DHX57: variants seen among roughly 807,000 people sequenced by gnomAD.
DHX57 encodes the protein putative ATP-dependent RNA helicase DHX57.
Under a neutral mutation model 156.2 loss-of-function variants are expected in DHX57, and 105 were observed. The ratio of observed to expected loss-of-function variants is 0.67; its 90% CI spans 0.57 to 0.79. The LOEUF is 0.79. DHX57 is among the 30% of genes least tolerant of loss of function. The probability of loss-of-function intolerance (pLI) is 0.00; values close to 1 mark genes in which losing one functional copy is unlikely to be tolerated. For synonymous variants in DHX57, 704 were observed against 595.6 expected (o/e 1.18, Z -2.65); for missense variants, 1,847 against 1,661.9 (o/e 1.11, Z -1.94).
chr2:38,802,185 A>T (rs759468294), intron 23 of DHX57, among the ~76,000 whole-genome samples: 4 of 151,928 alleles, frequency 2.6e-5, no homozygotes, highest in Non-Finnish European at 5.9e-5. Flanking sequence ...CCCGTACCAG[A>T]CTTCCCCTCA....
At position 38,848,344 on chromosome 2, in the gene DHX57, T is replaced by C. The variant is rs747966382; in HGVS notation, c.2089A>G (p.Ile697Val). 1 of 1,612,708 alleles carries C rather than the reference T, an allele frequency of 6.2e-7. No individual in the cohort carries two copies. Among genetic ancestry groups the C allele is most frequent in the Non-Finnish European group, 8.5e-7 (1 of 1,179,450 alleles). The change falls in exon 10 of 24, where the codon ATT becomes GTT. Residue 697 changes from isoleucine (I) to valine (V), a missense_variant. Transcript: ENST00000457308. Reference sequence around the variant, plus strand: ...GCGTTTAGAGTTGCACTCATTAAAATAACTTGAAGACCTGGCCTCTGCGAT... The same window carrying C: ...GCGTTTAGAGTTGCACTCATTAAAACAACTTGAAGACCTGGCCTCTGCGAT... ...IVSQRPGLQVILMSATLNAEL... is the reference protein window; with the variant it reads ...IVSQRPGLQVVLMSATLNAEL...
rs1291961574 is a variant in DHX57, at chr2:38,862,450, T to C, written c.384-117A>G. ...ATCCTGACTACTCTTCAGTTGCTGA[T>C]TTAATCTTATATTGAACTATTAATT... On this transcript the variant is annotated intron_variant, in intron 3 of 23. Transcript: ENST00000457308. 9 of 985,702 alleles carry C rather than the reference T, an allele frequency of 9.1e-6. No individual in the cohort carries two copies. In the Middle Eastern group the frequency reaches 1.7e-3, roughly 188 times the overall value. The allele number at this position is 985,702 out of a possible 1,614,324, so 61.1% of individuals were successfully genotyped here. A position where few individuals can be genotyped will look rare whatever the true frequency, so the allele number is the denominator to read the frequency against.
At chr2:38,811,492 C>G in intron 21 of DHX57, 2 of 777,786 alleles carry the variant, frequency 2.6e-6, no homozygotes, top group Admixed American at 1.8e-5. Flanking sequence ...TTTTTGGACC[C>G]AAGGTTCAGT....
intron 2 of DHX57, among the ~76,000 whole-genome samples, chr2:38,866,295 C>T (rs926845417): frequency 2.0e-5 from 3 of 152,168 alleles, no homozygotes; most frequent in Admixed American, 2.0e-4. Flanking sequence ...TGCCTTCTTG[C>T]CCACTCATTC....
intron 20 of DHX57, among the ~76,000 whole-genome samples, chr2:38,814,694 C>T (rs1670434798): frequency 6.6e-6 from 1 of 151,410 alleles, no homozygotes; most frequent in South Asian, 2.1e-4. Context: ...AATTTAAAAA[C>T]CAAAAACAAC....
intron 21 of DHX57, among the ~76,000 whole-genome samples, chr2:38,807,870 T>C (rs963360643): frequency 6.7e-6 from 1 of 149,622 alleles, no homozygotes; most frequent in East Asian, 2.0e-4. Flanking sequence ...GGTCTCGAAC[T>C]CCTGACCTCA....
At chr2:38,808,298 T>C (rs571593496) in intron 21 of DHX57, among the ~76,000 whole-genome samples, 12 of 152,186 alleles carry the variant, frequency 7.9e-5, no homozygotes, top group African/African-American at 2.4e-4. Context: ...TATTTATATA[T>C]AGAAAAAGAG....
chr2:38,824,226 A>G (rs998623801), intron 16 of DHX57, among the ~76,000 whole-genome samples: 2 of 152,220 alleles, frequency 1.3e-5, no homozygotes, highest in African/African-American at 4.8e-5. Context: ...TGAAACCTTG[A>G]GGACATTATG....
intron 1 of DHX57, among the ~76,000 whole-genome samples, chr2:38,870,263 GGAAAGGAAA>G (rs1665291530): frequency 6.6e-6 from 1 of 151,678 alleles, no homozygotes; most frequent in Non-Finnish European, 1.5e-5. Context: ...AATACCAGAA[GGAAAGGAAA>G]GAAAGAAAAG....
At position 38,798,930 on chromosome 2, in the gene DHX57, G is replaced by C. The variant is rs149988455; in HGVS notation, c.4018-488C>G. 1.6e-3 allele frequency among the ~76,000 whole-genome samples: 249 copies of C among 151,490 alleles called. 7 individuals are homozygous for C. The East Asian group carries it at 0.041, about 25-fold the overall frequency. On this transcript the variant is annotated intron_variant, in intron 23 of 23. Transcript: ENST00000457308. ...TGCACTCCAGCCTGGGTGACATAGCGAGACTCTGTCCCCCCTGCTCCCCAA... is the reference window on the plus strand; with the variant it reads ...TGCACTCCAGCCTGGGTGACATAGCCAGACTCTGTCCCCCCTGCTCCCCAA...
At position 38,798,001 on chromosome 2, in the gene DHX57, C is replaced by G. The variant is rs1669470179; in HGVS notation, c.*298G>C. 1.1e-5 allele frequency: 3 copies of G among 269,622 alleles called. No homozygotes were observed. The highest frequency in any genetic ancestry group is 2.2e-5 in the African/African-American group (1 of 45,492). The allele number at this position is 269,622 out of a possible 1,614,324, so 16.7% of individuals were successfully genotyped here. A position where few individuals can be genotyped will look rare whatever the true frequency, so the allele number is the denominator to read the frequency against. On this transcript the variant is annotated 3_prime_UTR_variant, in exon 24 of 24. Transcript: ENST00000457308. ...TTAAAACAGAATTGTATTATACATT[C>G]ACTTTTGAGTTATCAGGTGAACTTA...
At chr2:38,840,574 A>AAAAC (rs35362737) in intron 12 of DHX57, among the ~76,000 whole-genome samples, 88,504 of 150,236 alleles carry the variant, frequency 0.59, 27,314 homozygotes, top group East Asian at 0.88. Flanking sequence ...TGTTTTTTTT[A>AAAAC]AAACAAACAA....
At chr2:38,813,608 G>A (rs959536810) in intron 21 of DHX57, among the ~76,000 whole-genome samples, 7 of 151,986 alleles carry the variant, frequency 4.6e-5, no homozygotes, top group African/African-American at 1.4e-4. Context: ...TCCTGACCTC[G>A]TGATCCGCCC....
chr2:38,859,434 G>C (rs558355472), intron 5 of DHX57, among the ~76,000 whole-genome samples: 17 of 152,266 alleles, frequency 1.1e-4, no homozygotes, highest in African/African-American at 3.9e-4. Context: ...TTTTGGGGTT[G>C]ATGATAACGT....
At chr2:38,815,712 C>G (rs1670513305) in intron 19 of DHX57, 57 bp from the exon 20 acceptor site, 13 of 1,606,186 alleles carry the variant, frequency 8.1e-6, no homozygotes, top group Admixed American at 3.4e-5. Context: ...AGTGTTAAGT[C>G]TTACAAAAAT....
At chr2:38,840,526 G>A (rs1025217169) in intron 12 of DHX57, among the ~76,000 whole-genome samples, 2 of 151,906 alleles carry the variant, frequency 1.3e-5, no homozygotes, top group African/African-American at 2.4e-5. Flanking sequence ...GACTACAGGT[G>A]TGTGCCACCA....
chr2:38,854,920 A>T (rs1208726705), intron 8 of DHX57, 137 bp downstream of exon 8: 1 of 832,136 alleles, frequency 1.2e-6, no homozygotes, highest in Non-Finnish European at 1.9e-6. Context: ...ATAAATGATT[A>T]CCAAAGGTAA....
At position 38,858,730 on chromosome 2, in the gene DHX57, T is replaced by C; in HGVS notation, c.1518A>G (p.Arg506=). The part of the protein sequence containing the change: ...YVNLKKKISK[R]YDWQAKSVHA... ...GTACTGACTTTGCCTGCCAGTCATA[T>C]CTTTTGGAAATCTTTTTCTTAAGGT... Residue 506 remains arginine, a synonymous_variant, in exon 6 of 24, where the codon AGA becomes AGG. Coordinates refer to ENST00000457308, the MANE Select transcript of DHX57 (RefSeq NM_198963.3). 2 of 1,614,196 alleles carry C rather than the reference T, an allele frequency of 1.2e-6. No individual in the cohort carries two copies. The highest frequency in any genetic ancestry group is 1.7e-6 in the Non-Finnish European group (2 of 1,180,036).
chr2:38,848,657 T>C (rs1249389791), intron 9 of DHX57, among the ~76,000 whole-genome samples: 2 of 152,220 alleles, frequency 1.3e-5, no homozygotes, highest in African/African-American at 2.4e-5. Context: ...TAGTTGCATA[T>C]ACATAATGAG....
Sources: gnomAD v4.1 joint callset for allele counts (sites outside exome capture counted in the v4.1 genomes callset) on GRCh38, gnomAD v4.1.1 for gene constraint, MANE v1.5 for transcripts, NCBI Gene and HGNC (gene_info 2026-07-23, HGNC 2026-07-21) for gene names.